GALNT17: variants seen among roughly 807,000 people sequenced by gnomAD.
GALNT17 encodes the protein UDP-GalNAc:polypeptide N-acetylgalactosaminyltransferase-like 3.
In GALNT17, 29 loss-of-function variants were observed where a neutral mutation model predicts 63.7. That is an observed-to-expected ratio of 0.46 (90% CI 0.34 to 0.62). The LOEUF is 0.62. Ranked by LOEUF, GALNT17 falls within the 20% of genes least tolerant of loss-of-function variation. The probability of loss-of-function intolerance (pLI) is 0.01; values close to 1 mark genes in which losing one functional copy is unlikely to be tolerated. For synonymous variants in GALNT17, 305 were observed against 318.3 expected (o/e 0.96, Z 0.45); for missense variants, 603 against 799.6 (o/e 0.75, Z 2.97).
At position 71,680,563 on chromosome 7, in the gene GALNT17, CCTCCCTCCCTCT is replaced by C. The variant is rs1394369054; in HGVS notation, c.1500+3264_1500+3275del. On this transcript the variant is annotated intron_variant, in intron 9 of 10. Transcript: ENST00000333538. ...CCCTTCCTCCCTCCCTCTCTCCCTT[CCTCCCTCCCTCT>C]CTCCCTTCCTCCCTCCCTCTCTCTC... is the stretch of plus-strand genomic sequence containing the variant. Among the ~76,000 whole-genome samples the C allele has an allele frequency of 3.8e-3, 170 of 44,352 alleles. 77 individuals are homozygous for C. Among genetic ancestry groups the C allele is most frequent in the East Asian group, 0.021 (10 of 484 alleles). 29.1% of individuals were successfully genotyped at this position (44,352 alleles called of 152,430 possible).
chr7:71,229,950 G>C (rs995607206), intron 1 of GALNT17, among the ~76,000 whole-genome samples: 1 of 152,214 alleles, frequency 6.6e-6, no homozygotes, highest in Non-Finnish European at 1.5e-5. Context: ...TGCTTGGCTT[G>C]AGCTGCAGAG....
intron 1 of GALNT17, among the ~76,000 whole-genome samples, chr7:71,133,592 T>A (rs957287652): frequency 9.9e-5 from 15 of 152,168 alleles, no homozygotes; most frequent in African/African-American, 3.4e-4. Context: ...GACTCCTCCC[T>A]TCCTGCCGCC....
At chr7:71,421,162 G>T (rs1483772761) in intron 5 of GALNT17, 57 bp downstream of exon 5, 12 of 1,583,620 alleles carry the variant, frequency 7.6e-6, no homozygotes, top group Non-Finnish European at 6.0e-6. Flanking sequence ...GGGTAAAAAG[G>T]AGCTACTGAG....
At chr7:71,220,290 G>A (rs1789559621) in intron 1 of GALNT17, among the ~76,000 whole-genome samples, 1 of 152,206 alleles carries the variant, frequency 6.6e-6, no homozygotes. Flanking sequence ...CAAACCAGAA[G>A]TCTCTGTTAG....
intron 1 of GALNT17, among the ~76,000 whole-genome samples, chr7:71,231,383 A>G (rs540999344): frequency 1.8e-4 from 28 of 152,266 alleles, no homozygotes; most frequent in Middle Eastern, 3.4e-3. Flanking sequence ...GGAATCTGCA[A>G]CATGGCAGGC....
chr7:71,328,023 G>A (rs1791733677), intron 1 of GALNT17, among the ~76,000 whole-genome samples: 1 of 152,134 alleles, frequency 6.6e-6, no homozygotes, highest in Admixed American at 6.5e-5. Flanking sequence ...ACCTATAGCT[G>A]TCCCTATAGG....
chr7:71,537,257 AGTGTGGCTTAAATCTCTTT>A (rs1788816450), intron 5 of GALNT17, among the ~76,000 whole-genome samples: 2 of 152,204 alleles, frequency 1.3e-5, no homozygotes, highest in South Asian at 4.1e-4. Flanking sequence ...AATGAGGAGA[AGTGTGGCTTAAATCTCTTT>A]GTGTCCTCCA....
At chr7:71,571,488 C>T (rs10277319) in intron 6 of GALNT17, 86 bp downstream of exon 6, 1,083,338 of 1,083,396 alleles carry the variant, frequency 1, 541,640 homozygotes, top group Non-Finnish European at 1. Context: ...ATTTAAAGCT[C>T]CTTACAGCTG....
intron 5 of GALNT17, among the ~76,000 whole-genome samples, chr7:71,553,846 G>T (rs1249270204): frequency 1.3e-5 from 2 of 152,278 alleles, no homozygotes; most frequent in East Asian, 3.9e-4. Context: ...GCTGTTATTT[G>T]TTAAGGGTCG....
intron 1 of GALNT17, among the ~76,000 whole-genome samples, chr7:71,287,749 AT>A (rs1252514904): frequency 6.6e-6 from 1 of 152,198 alleles, no homozygotes; most frequent in African/African-American, 2.4e-5. Context: ...ATGAAATGTT[AT>A]TAAGAAAATC....
At chr7:71,446,637 C>T (rs528530125) in intron 5 of GALNT17, among the ~76,000 whole-genome samples, 1 of 152,294 alleles carries the variant, frequency 6.6e-6, no homozygotes, top group African/African-American at 2.4e-5. Context: ...CAACCTCTGC[C>T]TCCTGGGTTC....
intron 5 of GALNT17, among the ~76,000 whole-genome samples, chr7:71,531,887 A>G (rs190364909): frequency 6.6e-6 from 1 of 152,326 alleles, no homozygotes; most frequent in African/African-American, 2.4e-5. Context: ...GCTGAAAGAG[A>G]AAAAGGAATA....
chr7:71,408,282 C>T (rs1023654888), intron 3 of GALNT17, among the ~76,000 whole-genome samples: 1 of 152,086 alleles, frequency 6.6e-6, no homozygotes, highest in Non-Finnish European at 1.5e-5. Flanking sequence ...TTGGAACGTG[C>T]CATATGTGCT....
chr7:71,414,040 G>C (rs576344068), intron 3 of GALNT17, among the ~76,000 whole-genome samples: 2 of 151,922 alleles, frequency 1.3e-5, no homozygotes, highest in African/African-American at 4.8e-5. Flanking sequence ...CCAGGAGTTC[G>C]AGACCAGCCT....
chr7:71,284,084 G>A (rs1398373440), intron 1 of GALNT17: 1 of 152,140 alleles, frequency 6.6e-6, no homozygotes, highest in Non-Finnish European at 1.5e-5. Flanking sequence ...TCGGTGCTGT[G>A]GAAGCTTTGT....
intron 6 of GALNT17, among the ~76,000 whole-genome samples, chr7:71,576,378 GATTGCTGA>G (rs1282594258): frequency 2.0e-5 from 3 of 152,206 alleles, no homozygotes; most frequent in Non-Finnish European, 4.4e-5. Context: ...CCAGTAATGG[GATTGCTGA>G]ATTGAATGGT....
At chr7:71,134,017 A>T (rs1787736385) in intron 1 of GALNT17, among the ~76,000 whole-genome samples, 1 of 152,240 alleles carries the variant, frequency 6.6e-6, no homozygotes, top group South Asian at 2.1e-4. Flanking sequence ...TCTGTGCCAG[A>T]TGCGTGCAAA....
chr7:71,331,843 A>G (rs1415860232), intron 1 of GALNT17, among the ~76,000 whole-genome samples: 2 of 152,210 alleles, frequency 1.3e-5, no homozygotes, highest in Non-Finnish European at 2.9e-5. Context: ...ATAAAAGTGA[A>G]AAATTGCTAA....
chr7:71,178,531 T>C (rs1038971861), intron 1 of GALNT17, among the ~76,000 whole-genome samples: 7 of 152,184 alleles, frequency 4.6e-5, no homozygotes, highest in African/African-American at 1.7e-4. Context: ...GTGTATTGAA[T>C]GGACTGATAT....
Sources: allele counts gnomAD v4.1 joint callset (sites outside exome capture counted in the v4.1 genomes callset), GRCh38; gene constraint gnomAD v4.1.1; transcripts MANE v1.5; gene names NCBI Gene and HGNC (gene_info 2026-07-23, HGNC 2026-07-21).